The following CNTNAP2 variants were observed in gnomAD, a reference collection of about 807,000 sequenced individuals.
The protein encoded by CNTNAP2 is contactin associated protein 2.
In CNTNAP2, 98 loss-of-function variants were observed where a neutral mutation model predicts 155.2. The ratio of observed to expected loss-of-function variants is 0.63; its 90% confidence interval spans 0.54 to 0.75. The LOEUF (loss-of-function observed/expected upper bound fraction) is 0.75, where lower values mean the gene tolerates loss of function less well. CNTNAP2 is among the 30% of genes least tolerant of loss of function. The probability of loss-of-function intolerance (pLI) is 0.00; values close to 1 mark genes in which losing one functional copy is unlikely to be tolerated. For missense variants in CNTNAP2, 1,727 were observed against 1,688.1 expected (o/e 1.02, Z -0.40); for synonymous variants, 651 against 631.2 (o/e 1.03, Z -0.47).
At chr7:146,947,118 G>T (rs181594974) in intron 3 of CNTNAP2, among the ~76,000 whole-genome samples, 1 of 151,678 alleles carries the variant, frequency 6.6e-6, no homozygotes, top group East Asian at 2.0e-4. Context: ...TGTAACTTCT[G>T]CCTCCCATGT....
At chr7:147,359,162 AT>A (rs1186341792) in intron 9 of CNTNAP2, among the ~76,000 whole-genome samples, 1 of 152,116 alleles carries the variant, frequency 6.6e-6, no homozygotes, top group Non-Finnish European at 1.5e-5. Flanking sequence ...TGTGCTCTTA[AT>A]CTTTGTTCAT....
intron 15 of CNTNAP2, among the ~76,000 whole-genome samples, chr7:148,065,119 T>A (rs926391189): frequency 6.6e-6 from 1 of 152,222 alleles, no homozygotes; most frequent in Non-Finnish European, 1.5e-5. Flanking sequence ...CTTTTCAAGT[T>A]GATTTCCAAT....
chr7:146,915,387 G>T (rs1231682811), intron 3 of CNTNAP2, among the ~76,000 whole-genome samples: 1 of 152,110 alleles, frequency 6.6e-6, no homozygotes, highest in Non-Finnish European at 1.5e-5. Context: ...CATTGAATTT[G>T]TAACTTGCTT....
At chr7:147,853,771 TC>T (rs1187653879) in intron 13 of CNTNAP2, among the ~76,000 whole-genome samples, 1 of 152,216 alleles carries the variant, frequency 6.6e-6, no homozygotes, top group Non-Finnish European at 1.5e-5. Context: ...TTTTTCTCAT[TC>T]TTTTTTATGG....
intron 10 of CNTNAP2, among the ~76,000 whole-genome samples, chr7:147,419,929 C>T (rs1306627724): frequency 6.6e-6 from 1 of 152,100 alleles, no homozygotes; most frequent in Non-Finnish European, 1.5e-5. Context: ...ACTTGCTGTG[C>T]TGGGTGGATC....
intron 1 of CNTNAP2, among the ~76,000 whole-genome samples, chr7:146,647,069 A>T (rs1417133577): frequency 6.6e-6 from 1 of 152,188 alleles, no homozygotes; most frequent in African/African-American, 2.4e-5. Flanking sequence ...CCCTTGTCTC[A>T]TCGGAGGCTT....
At chr7:146,245,806 C>T (rs1214401300) in intron 1 of CNTNAP2, among the ~76,000 whole-genome samples, 4 of 151,726 alleles carry the variant, frequency 2.6e-5, no homozygotes, top group Non-Finnish European at 2.9e-5. Flanking sequence ...AGGGTCAGTC[C>T]AAGTGAAAGC....
chr7:146,743,370 G>C (rs1188932890), intron 1 of CNTNAP2, among the ~76,000 whole-genome samples: 1 of 152,030 alleles, frequency 6.6e-6, no homozygotes, highest in East Asian at 1.9e-4. Flanking sequence ...TTTTTCCTGA[G>C]GTTGACACCA....
intron 1 of CNTNAP2, among the ~76,000 whole-genome samples, chr7:146,544,386 A>G (rs1267652132): frequency 1.3e-5 from 2 of 151,966 alleles, no homozygotes; most frequent in Middle Eastern, 3.2e-3. Context: ...CAGGCAAGTG[A>G]GGCCTTTGCC....
At chr7:146,603,366 C>T (rs1025994717) in intron 1 of CNTNAP2, among the ~76,000 whole-genome samples, 3 of 150,260 alleles carry the variant, frequency 2.0e-5, no homozygotes, top group Non-Finnish European at 3.0e-5. Flanking sequence ...GAGCCGAGAC[C>T]GCGCCACTGC....
chr7:147,776,991 A>G (rs866376856), intron 13 of CNTNAP2, among the ~76,000 whole-genome samples: 20 of 152,190 alleles, frequency 1.3e-4, no homozygotes, highest in South Asian at 1.0e-3. Flanking sequence ...GTCTCAAAAA[A>G]AGACAAGGAC....
At chr7:146,921,405 C>T (rs1401985717) in intron 3 of CNTNAP2, among the ~76,000 whole-genome samples, 7 of 152,104 alleles carry the variant, frequency 4.6e-5, no homozygotes, top group African/African-American at 9.7e-5. Flanking sequence ...GAACATCCTT[C>T]GTTTGTTTGA....
chr7:147,203,867 C>G (rs1036461753), intron 8 of CNTNAP2, among the ~76,000 whole-genome samples: 1 of 151,834 alleles, frequency 6.6e-6, no homozygotes, highest in African/African-American at 2.4e-5. Context: ...GAATAAAAAG[C>G]AACAATAGAT....
intron 3 of CNTNAP2, among the ~76,000 whole-genome samples, chr7:146,977,355 T>A (rs1361984229): frequency 6.6e-6 from 1 of 151,876 alleles, no homozygotes; most frequent in Non-Finnish European, 1.5e-5. Flanking sequence ...CCTGTAAGAA[T>A]GAATAGAGAA....
intron 12 of CNTNAP2, among the ~76,000 whole-genome samples, chr7:147,629,090 C>T (rs116258329): frequency 0.021 from 3,224 of 151,980 alleles, 235 homozygotes; most frequent in Admixed American, 0.15. Flanking sequence ...TTCATCAAGA[C>T]GAGAAGTCAA....
chr7:146,299,929 G>T (rs556960676), intron 1 of CNTNAP2, among the ~76,000 whole-genome samples: 2 of 152,278 alleles, frequency 1.3e-5, no homozygotes, highest in African/African-American at 4.8e-5. Flanking sequence ...GAACTTCAGA[G>T]AAATTTTAGC....
chr7:147,245,573 C>A (rs1231899306), intron 8 of CNTNAP2, among the ~76,000 whole-genome samples: 1 of 151,898 alleles, frequency 6.6e-6, no homozygotes, highest in Non-Finnish European at 1.5e-5. Context: ...GTGGCTCATG[C>A]CTGTAATCTT....
intron 1 of CNTNAP2, among the ~76,000 whole-genome samples, chr7:146,475,859 T>C (rs1361994158): frequency 6.6e-6 from 1 of 152,178 alleles, no homozygotes; most frequent in Non-Finnish European, 1.5e-5. Context: ...TTGTCACAGT[T>C]TGACAGCAGA....
At chr7:147,049,010 A>G (rs1799419557) in intron 4 of CNTNAP2, among the ~76,000 whole-genome samples, 1 of 152,202 alleles carries the variant, frequency 6.6e-6, no homozygotes, top group African/African-American at 2.4e-5. Context: ...TGGGTAATCT[A>G]GAAAGAACAC....
Sources: gnomAD v4.1 joint callset for allele counts (sites outside exome capture counted in the v4.1 genomes callset) on GRCh38, gnomAD v4.1.1 for gene constraint, MANE v1.5 for transcripts, NCBI Gene and HGNC (gene_info 2026-07-23, HGNC 2026-07-21) for gene names.